OSBPL6: variants seen among roughly 807,000 people sequenced by gnomAD.
The protein encoded by OSBPL6 is oxysterol binding protein like 6, also known as oxysterol-binding protein-related protein 6.
Under a neutral mutation model 125.8 loss-of-function variants are expected in OSBPL6, and 49 were observed. The observed-to-expected ratio is 0.39, with a 90% CI of 0.31 to 0.49. The LOEUF (loss-of-function observed/expected upper bound fraction) is 0.49, where lower values mean the gene tolerates loss of function less well. Ranked by LOEUF, OSBPL6 falls within the 20% of genes least tolerant of loss-of-function variation. The pLI, the probability that OSBPL6 is intolerant of heterozygous loss-of-function variation, is 0.88. For synonymous variants in OSBPL6, 394 were observed against 391.8 expected (o/e 1.01, Z -0.07); for missense variants, 986 against 1,135.4 (o/e 0.87, Z 1.89).
At chr2:178,326,462 T>C (rs949119370) in intron 4 of OSBPL6, among the ~76,000 whole-genome samples, 1 of 152,108 alleles carries the variant, frequency 6.6e-6, no homozygotes, top group African/African-American at 2.4e-5. Flanking sequence ...CCCAGGAAAA[T>C]TGGAGACTTT....
intron 2 of OSBPL6, among the ~76,000 whole-genome samples, chr2:178,294,517 A>G (rs1559212207): frequency 6.6e-6 from 1 of 152,170 alleles, no homozygotes; most frequent in Non-Finnish European, 1.5e-5. Context: ...GCTAAATTTT[A>G]GTGCTAAGAG....
At chr2:178,360,045 G>A (rs1044395520) in intron 12 of OSBPL6, among the ~76,000 whole-genome samples, 5 of 151,516 alleles carry the variant, frequency 3.3e-5, no homozygotes, top group South Asian at 2.1e-4. Flanking sequence ...GGCTTGTGCC[G>A]CTGCACTCCA....
chr2:178,337,923 A>C (rs2154080822), intron 9 of OSBPL6, among the ~76,000 whole-genome samples: 1 of 150,986 alleles, frequency 6.6e-6, no homozygotes, highest in South Asian at 2.1e-4. Context: ...CTGACCACAA[A>C]AATAAGAAAA....
chr2:178,375,830 A>G (rs955451917), intron 15 of OSBPL6, among the ~76,000 whole-genome samples: 1 of 152,166 alleles, frequency 6.6e-6, no homozygotes, highest in African/African-American at 2.4e-5. Context: ...AGATATTTCC[A>G]AGTCCCTGGG....
At chr2:178,318,516 G>T (rs566793327) in intron 3 of OSBPL6, among the ~76,000 whole-genome samples, 2 of 152,178 alleles carry the variant, frequency 1.3e-5, no homozygotes, top group African/African-American at 4.8e-5. Context: ...TTTGGCTTTG[G>T]TGATTTTAAT....
intron 1 of OSBPL6, among the ~76,000 whole-genome samples, chr2:178,212,217 G>A (rs1442205596): frequency 6.6e-6 from 1 of 152,138 alleles, no homozygotes; most frequent in African/African-American, 2.4e-5. Flanking sequence ...CATGCTAATG[G>A]GGAGGATTAA....
Position 178,336,363 on chromosome 2 carries a change from G to T in OSBPL6, c.720G>T (p.Thr240=), listed in dbSNP as rs549175117. The T allele has an allele frequency of 1.7e-5, 28 of 1,613,936 alleles. No individual in the cohort carries two copies. The highest frequency in any genetic ancestry group is 2.1e-5 in the Non-Finnish European group (25 of 1,180,010). The change falls in exon 9 of 25, where the codon ACG becomes ACT. Residue 240 remains threonine (T), a synonymous_variant. Coordinates refer to ENST00000190611, the MANE Select transcript of OSBPL6 (RefSeq NM_032523.4). ...CATGCAGCAATAGCCTCCCTGCAAC[G>T]TGCACAACTGGCCAGAGTAAAGTGG... is the stretch of plus-strand genomic sequence containing the variant. ...PLPCSNSLPA[T]CTTGQSKVAA... is the part of the protein sequence containing the mutation.
intron 1 of OSBPL6, among the ~76,000 whole-genome samples, chr2:178,277,908 C>G (rs2092501628): frequency 6.6e-6 from 1 of 152,184 alleles, no homozygotes. Flanking sequence ...CTCTCCTGTT[C>G]TGAACTTCGC....
chr2:178,226,195 T>G (rs2090554380), intron 1 of OSBPL6, among the ~76,000 whole-genome samples: 1 of 152,146 alleles, frequency 6.6e-6, no homozygotes, highest in Admixed American at 6.5e-5. Context: ...GCATAGATAC[T>G]TCGTTTCTTC....
intron 1 of OSBPL6, among the ~76,000 whole-genome samples, chr2:178,225,555 G>A (rs1210580288): frequency 6.6e-6 from 1 of 152,198 alleles, no homozygotes; most frequent in East Asian, 1.9e-4. Flanking sequence ...AGCCCTGGGA[G>A]GTAGGGGCTG....
intron 3 of OSBPL6, among the ~76,000 whole-genome samples, chr2:178,319,322 G>T (rs1204634202): frequency 6.6e-6 from 1 of 152,154 alleles, no homozygotes; most frequent in African/African-American, 2.4e-5. Flanking sequence ...ATATTTAAGA[G>T]TGCTATAATT....
intron 12 of OSBPL6, among the ~76,000 whole-genome samples, chr2:178,354,413 C>CA (rs913343144): frequency 2.6e-4 from 38 of 148,122 alleles, no homozygotes; most frequent in African/African-American, 7.7e-4. Context: ...AAATGGAAAG[C>CA]AAAAAAAAAG....
chr2:178,291,357 T>C lies in OSBPL6; in HGVS notation c.-156+6236T>C, dbSNP rs560476302. On this transcript the variant is annotated intron_variant, in intron 2 of 24. Transcript: ENST00000190611. Reference sequence around the variant, plus strand: ...TTGTACATTTTGGATGGTAGATCAGTGTGTGCCATATTGAATGGCTTTGTT... The same window carrying C: ...TTGTACATTTTGGATGGTAGATCAGCGTGTGCCATATTGAATGGCTTTGTT... 1.1e-4 allele frequency among the ~76,000 whole-genome samples: 16 copies of C among 152,256 alleles called. No individual in the cohort carries two copies. The East Asian group carries it at 3.1e-3, about 29-fold the overall frequency.
intron 2 of OSBPL6, among the ~76,000 whole-genome samples, chr2:178,303,385 C>T (rs1686467230): frequency 6.6e-6 from 1 of 152,076 alleles, no homozygotes; most frequent in Non-Finnish European, 1.5e-5. Context: ...AAAAATTCCC[C>T]CTGTAATTAT....
At chr2:178,385,556 A>G (rs759448911) in intron 19 of OSBPL6, 35 bp downstream of exon 19, 3 of 1,477,580 alleles carry the variant, frequency 2.0e-6, no homozygotes, top group South Asian at 2.3e-5. Flanking sequence ...AATCAAATGT[A>G]TGAGCCTATG....
chr2:178,239,521 GACC>G (rs2091199085), intron 1 of OSBPL6, among the ~76,000 whole-genome samples: 1 of 151,954 alleles, frequency 6.6e-6, no homozygotes, highest in Non-Finnish European at 1.5e-5. Flanking sequence ...GTGACAGTGA[GACC>G]CTGTCTCAAA....
At position 178,373,898 on chromosome 2, in the gene OSBPL6, G is replaced by T; in HGVS notation, c.1404G>T (p.Glu468Asp). ...NIIPSPDEAGEQIHVSLPLSQ... is the reference protein window; with the variant it reads ...NIIPSPDEAGDQIHVSLPLSQ... Reference sequence around the variant, plus strand: ...GCTTCTGTCTTCTGCAGGCTGGTGAGCAAATCCATGTCAGTCTCCCCTTAT... The same window carrying T: ...GCTTCTGTCTTCTGCAGGCTGGTGATCAAATCCATGTCAGTCTCCCCTTAT... Residue 468 changes from glutamate (E) to aspartate (D), a missense_variant, in exon 15 of 25, where the codon GAG becomes GAT. Around this residue, in one of 3 missense-constraint regions of OSBPL6, gnomAD observed 843 missense variants for 997.3 expected, o/e 0.85. Coordinates refer to ENST00000190611, the MANE Select transcript of OSBPL6 (RefSeq NM_032523.4). The T allele has an allele frequency of 6.2e-7, 1 of 1,614,046 alleles. No individual in the cohort carries two copies.
At position 178,387,130 on chromosome 2, in the gene OSBPL6, T is replaced by G. The variant is rs748592141; in HGVS notation, c.2147T>G (p.Met716Arg). The change falls in exon 20 of 25, where the codon ATG (methionine) becomes AGG (arginine). Residue 716 changes from methionine (M) to arginine (R), a missense_variant. By Grantham distance (91) the Met-to-Arg change is moderately conservative. Transcript: ENST00000190611. ...EILPVGTLNV[M>R]LPKYGDYYVW... is the part of the protein sequence containing the mutation. ...CTGCCTGTTGGAACACTGAATGTCA[T>G]GCTTCCAAAGTAGGTGACTCACACC... 14 of 1,610,672 alleles carry G rather than the reference T, an allele frequency of 8.7e-6. No individual in the cohort carries two copies. The highest frequency in any genetic ancestry group is 1.2e-5 in the Non-Finnish European group (14 of 1,177,184).
intron 3 of OSBPL6, among the ~76,000 whole-genome samples, chr2:178,318,443 T>C (rs1378151351): frequency 6.6e-6 from 1 of 152,250 alleles, no homozygotes; most frequent in African/African-American, 2.4e-5. Context: ...CACTTCTGCA[T>C]CTTTCAGTGA....
Sources: gnomAD v4.1 joint callset for allele counts (sites outside exome capture counted in the v4.1 genomes callset) on GRCh38, gnomAD v4.1.1 for gene constraint, gnomAD v4.1.1 regional missense constraint, MANE v1.5 for transcripts, NCBI Gene and HGNC (gene_info 2026-07-23, HGNC 2026-07-21) for gene names.